The following EYS variants were observed in gnomAD, a reference collection of about 807,000 sequenced individuals.
EYS encodes EGF-like photoreceptor maintenance factor.
A neutral mutation model predicts 282.1 loss-of-function variants in EYS; 250 were observed. That is an observed-to-expected ratio of 0.89 (90% CI 0.80 to 0.98). EYS has a LOEUF of 0.98. EYS is among the 50% of genes least tolerant of loss of function. The probability of loss-of-function intolerance (pLI) is 0.00; values close to 1 mark genes in which losing one functional copy is unlikely to be tolerated. For synonymous variants in EYS, 1,355 were observed against 1,282.9 expected, an observed-to-expected ratio of 1.06 and a Z score of -1.20; for missense variants, 4,016 against 3,709.0, an observed-to-expected ratio of 1.08 and a Z score of -2.15.
chr6:63,914,694 C>A (rs1764373589), intron 35 of EYS, among the ~76,000 whole-genome samples: 2 of 144,964 alleles, frequency 1.4e-5, no homozygotes, highest in Admixed American at 7.0e-5. Context: ...GGTGACAGAG[C>A]AAGACCCTGT....
chr6:65,388,792 T>TA (rs1313754144), intron 7 of EYS, among the ~76,000 whole-genome samples: 1 of 152,044 alleles, frequency 6.6e-6, no homozygotes, highest in South Asian at 2.1e-4. Flanking sequence ...TTTTTGTGGA[T>TA]AAAAAATGAT....
chr6:64,272,715 A>C (rs1767983983), intron 30 of EYS, among the ~76,000 whole-genome samples: 1 of 152,144 alleles, frequency 6.6e-6, no homozygotes, highest in Admixed American at 6.6e-5. Context: ...TCATATGTGT[A>C]TTAATATTAT....
At chr6:65,266,821 T>TA (rs200165872) in intron 12 of EYS, among the ~76,000 whole-genome samples, 5 of 150,328 alleles carry the variant, frequency 3.3e-5, no homozygotes, top group East Asian at 1.9e-4. Context: ...ATCTGTTTAA[T>TA]AAAAAAAACT....
chr6:65,616,063 A>C (rs1194059535), intron 2 of EYS, among the ~76,000 whole-genome samples: 3 of 127,488 alleles, frequency 2.4e-5, no homozygotes, highest in South Asian at 2.2e-4. Flanking sequence ...AGCATCAAGC[A>C]TTAAACATTT....
chr6:63,982,332 G>A (rs1178652402), intron 35 of EYS, among the ~76,000 whole-genome samples: 1 of 151,806 alleles, frequency 6.6e-6, no homozygotes, highest in African/African-American at 2.4e-5. Context: ...TTCTGCATAA[G>A]AATCTCACAT....
chr6:65,697,350 T>G (rs1204392419), intron 1 of EYS, among the ~76,000 whole-genome samples: 1 of 152,080 alleles, frequency 6.6e-6, no homozygotes, highest in Non-Finnish European at 1.5e-5. Context: ...TTACATTAAG[T>G]GTTTACTGCA....
At chr6:65,331,794 G>T (rs932735284) in intron 11 of EYS, 4 of 839,974 alleles carry the variant, frequency 4.8e-6, no homozygotes, top group South Asian at 1.1e-4. Context: ...TTATCAAAAT[G>T]TTTTCAATGT....
intron 22 of EYS, among the ~76,000 whole-genome samples, chr6:64,734,595 C>A (rs1195937558): frequency 6.6e-6 from 1 of 152,136 alleles, no homozygotes; most frequent in Non-Finnish European, 1.5e-5. Context: ...TTCTGTTAGC[C>A]ATTTACAATT....
At chr6:64,612,326 C>T (rs997115010) in intron 24 of EYS, among the ~76,000 whole-genome samples, 1 of 152,060 alleles carries the variant, frequency 6.6e-6, no homozygotes, top group East Asian at 1.9e-4. Flanking sequence ...GACCAATAGA[C>T]ACTCATCGGT....
chr6:64,358,858 G>T (rs1771916924), intron 29 of EYS, among the ~76,000 whole-genome samples: 1 of 151,690 alleles, frequency 6.6e-6, no homozygotes, highest in Admixed American at 6.6e-5. Context: ...TACTAACTGA[G>T]AAGTTGCTAC....
chr6:64,939,796 T>G lies in EYS; in HGVS notation c.2381+5997A>C, dbSNP rs893022046. Among the ~76,000 whole-genome samples, 5 of 152,070 alleles carry G rather than the reference T, an allele frequency of 3.3e-5. No individual in the cohort carries two copies. In the South Asian group the frequency reaches 1.0e-3, roughly 31 times the overall value. ...CTAGCCATATAGTATAAAGCAGGTT[T>G]AGAGCTAGGTGTAAGTGTTCTTCTG... On this transcript the variant is annotated intron_variant, in intron 15 of 42. Coordinates refer to ENST00000503581, the MANE Select transcript of EYS (RefSeq NM_001142800.2).
chr6:64,598,126 A>T (rs558220596), intron 24 of EYS, among the ~76,000 whole-genome samples: 9 of 152,308 alleles, frequency 5.9e-5, no homozygotes, highest in African/African-American at 1.9e-4. Flanking sequence ...GGTCAACAGG[A>T]TCCCTTACCA....
chr6:65,133,158 C>T (rs758485400), intron 12 of EYS, among the ~76,000 whole-genome samples: 18 of 151,906 alleles, frequency 1.2e-4, no homozygotes, highest in African/African-American at 1.9e-4. Context: ...AGATTCAATG[C>T]TATTTGTATA....
chr6:65,537,092 C>T (rs1767986547), intron 2 of EYS, among the ~76,000 whole-genome samples: 1 of 152,096 alleles, frequency 6.6e-6, no homozygotes, highest in Admixed American at 6.6e-5. Flanking sequence ...CAAACTAACT[C>T]ATGAAGAGAA....
At chr6:64,397,124 A>G (rs1415052749) in intron 28 of EYS, among the ~76,000 whole-genome samples, 1 of 151,730 alleles carries the variant, frequency 6.6e-6, no homozygotes, top group Non-Finnish European at 1.5e-5. Context: ...TTTCTCTCTT[A>G]TGTGTAATGA....
At chr6:64,891,071 G>T (rs571733211) in intron 18 of EYS, among the ~76,000 whole-genome samples, 2 of 151,832 alleles carry the variant, frequency 1.3e-5, no homozygotes, top group East Asian at 3.9e-4. Context: ...GAATGTTGGG[G>T]GTCCCTGCTT....
At position 64,209,083 on chromosome 6, in the gene EYS, G is replaced by A. The variant is rs190095732; in HGVS notation, c.6424+21509C>T. ...TATTTTTACTATCTAAAAATAATGA[G>A]CTAGTAAGCCAAGCAAATACCAAGG... On this transcript the variant is annotated intron_variant, in intron 31 of 42. Transcript: ENST00000503581. 5.3e-5 allele frequency among the ~76,000 whole-genome samples: 8 copies of A among 152,026 alleles called. No homozygotes were observed. In the East Asian group the frequency reaches 9.7e-4, roughly 18 times the overall value.
At chr6:63,953,170 C>T in intron 35 of EYS, among the ~76,000 whole-genome samples, 1 of 152,186 alleles carries the variant, frequency 6.6e-6, no homozygotes, top group Non-Finnish European at 1.5e-5. Flanking sequence ...TCATCCCAGC[C>T]TGTTTTTGCT....
At chr6:64,807,701 A>G (rs1283616611) in intron 22 of EYS, among the ~76,000 whole-genome samples, 1 of 152,138 alleles carries the variant, frequency 6.6e-6, no homozygotes, top group Non-Finnish European at 1.5e-5. Flanking sequence ...AAATAAGTTT[A>G]GGTGTTTAAA....
Sources: gnomAD v4.1 joint callset for allele counts (sites outside exome capture counted in the v4.1 genomes callset) on GRCh38, gnomAD v4.1.1 for gene constraint, MANE v1.5 for transcripts, NCBI Gene and HGNC (gene_info 2026-07-23, HGNC 2026-07-21) for gene names.